Variants in KIAA1217 observed in about 807,000 individuals in gnomAD.
KIAA1217 encodes the protein sickle tail protein homolog.
KIAA1217 carries 88 observed loss-of-function variants against 163.9 expected under a neutral mutation model. That is an observed-to-expected ratio of 0.54 (90% CI 0.45 to 0.64). The LOEUF (loss-of-function observed/expected upper bound fraction) is 0.64, where lower values mean the gene tolerates loss of function less well. Ranked by LOEUF, KIAA1217 falls within the 30% of genes least tolerant of loss-of-function variation. The pLI is 0.00. For missense variants in KIAA1217, 2,372 were observed against 2,475.0 expected, an observed-to-expected ratio of 0.96 and a Z score of 0.88; for synonymous variants, 903 against 923.1, an observed-to-expected ratio of 0.98 and a Z score of 0.39.
chr10:24,305,112 A>T (rs2041857397), intron 2 of KIAA1217, among the ~76,000 whole-genome samples: 1 of 152,216 alleles, frequency 6.6e-6, no homozygotes, highest in South Asian at 2.1e-4. Context: ...GAACACATTT[A>T]GTGTGACGTG....
At chr10:23,795,723 G>A (rs1322853311) in intron 1 of KIAA1217, among the ~76,000 whole-genome samples, 1 of 152,180 alleles carries the variant, frequency 6.6e-6, no homozygotes, top group Non-Finnish European at 1.5e-5. Context: ...CCATCAGGAA[G>A]AAATGCAAAA....
At chr10:24,197,957 T>A (rs751984358) in intron 2 of KIAA1217, among the ~76,000 whole-genome samples, 12 of 152,238 alleles carry the variant, frequency 7.9e-5, no homozygotes, top group Non-Finnish European at 1.3e-4. Context: ...TCCACCATCA[T>A]TCCATCATCT....
At chr10:24,446,661 T>C (rs1438137121) in intron 5 of KIAA1217, among the ~76,000 whole-genome samples, 6 of 152,246 alleles carry the variant, frequency 3.9e-5, no homozygotes, top group African/African-American at 1.4e-4. Context: ...ACTCATGCAA[T>C]GACAACGGTA....
intron 2 of KIAA1217, among the ~76,000 whole-genome samples, chr10:24,307,292 T>G (rs938911002): frequency 2.0e-5 from 3 of 152,208 alleles, no homozygotes; most frequent in Non-Finnish European, 4.4e-5. Flanking sequence ...TTATAAAGCT[T>G]GTGTTCATGA....
At chr10:23,883,167 G>A (rs562460519) in intron 1 of KIAA1217, among the ~76,000 whole-genome samples, 60 of 151,976 alleles carry the variant, frequency 3.9e-4, no homozygotes, top group African/African-American at 1.3e-3. Context: ...TACTGAAATT[G>A]CATCTTTGAA....
intron 6 of KIAA1217, among the ~76,000 whole-genome samples, chr10:24,489,425 C>G (rs895934993): frequency 6.6e-6 from 1 of 151,970 alleles, no homozygotes; most frequent in Non-Finnish European, 1.5e-5. Flanking sequence ...ATAGGGGAAT[C>G]GCCAGCTTCA....
At chr10:23,933,864 C>T (rs564259611) in intron 1 of KIAA1217, among the ~76,000 whole-genome samples, 10 of 152,002 alleles carry the variant, frequency 6.6e-5, no homozygotes, top group Admixed American at 2.0e-4. Flanking sequence ...GTCAGAATGG[C>T]GATTATTAAA....
At chr10:24,215,548 C>A (rs1490415642) in intron 1 of KIAA1217, among the ~76,000 whole-genome samples, 1 of 152,206 alleles carries the variant, frequency 6.6e-6, no homozygotes, top group African/African-American at 2.4e-5. Context: ...GCTCAGATCT[C>A]TGACAACATG....
intron 2 of KIAA1217, among the ~76,000 whole-genome samples, chr10:24,231,241 G>A (rs2071368486): frequency 6.6e-6 from 1 of 152,162 alleles, no homozygotes; most frequent in Non-Finnish European, 1.5e-5. Context: ...ATGCCCAGAG[G>A]TCAAGGCTGC....
chr10:23,758,345 C>G (rs995872046), intron 1 of KIAA1217, among the ~76,000 whole-genome samples: 5 of 150,804 alleles, frequency 3.3e-5, no homozygotes, highest in Non-Finnish European at 7.4e-5. Flanking sequence ...TCTTGGCACT[C>G]TTATTGGAAA....
upstream of KIAA1217, among the ~76,000 whole-genome samples, chr10:24,207,834 C>T (rs1025867892): frequency 2.6e-5 from 4 of 152,236 alleles, no homozygotes; most frequent in Non-Finnish European, 4.4e-5. Flanking sequence ...GGCCAAAATA[C>T]GTCACCCCCA....
chr10:24,021,314 C>T (rs1190204802), intron 2 of KIAA1217, among the ~76,000 whole-genome samples: 6 of 151,700 alleles, frequency 4.0e-5, no homozygotes, highest in Non-Finnish European at 7.4e-5. Context: ...CAGCAATCAA[C>T]GATTGAAACT....
chr10:24,135,582 A>G (rs2063802592), intron 2 of KIAA1217, among the ~76,000 whole-genome samples: 1 of 152,016 alleles, frequency 6.6e-6, no homozygotes, highest in Non-Finnish European at 1.5e-5. Flanking sequence ...GTTTTTAAGG[A>G]GGACAGAGCT....
intron 2 of KIAA1217, among the ~76,000 whole-genome samples, chr10:24,318,266 G>GTAGA (rs202149528): frequency 1.3e-5 from 2 of 152,116 alleles, no homozygotes; most frequent in African/African-American, 2.4e-5. Flanking sequence ...GAATAGGTAG[G>GTAGA]TAGATAGATA....
chr10:23,814,893 C>G (rs973309724), intron 1 of KIAA1217, among the ~76,000 whole-genome samples: 2 of 151,780 alleles, frequency 1.3e-5, no homozygotes, highest in African/African-American at 4.8e-5. Flanking sequence ...CAGTGTTTTT[C>G]TGATCCTCAG....
intron 2 of KIAA1217, among the ~76,000 whole-genome samples, chr10:24,327,434 G>A (rs993043743): frequency 6.6e-6 from 1 of 152,082 alleles, no homozygotes; most frequent in East Asian, 1.9e-4. Context: ...TTCTCATTGA[G>A]TGCTATGTGC....
At chr10:24,509,538 T>G (rs1411064359) in intron 9 of KIAA1217, among the ~76,000 whole-genome samples, 1 of 152,200 alleles carries the variant, frequency 6.6e-6, no homozygotes, top group Non-Finnish European at 1.5e-5. Context: ...TTTCTTATCC[T>G]TCTCAGAAAC....
At chr10:23,934,128 G>C (rs571868516) in intron 1 of KIAA1217, among the ~76,000 whole-genome samples, 60 of 152,182 alleles carry the variant, frequency 3.9e-4, no homozygotes, top group African/African-American at 1.4e-3. Flanking sequence ...CAAAGACATG[G>C]AACCAACCCA....
At chr10:23,768,140 A>G (rs550042942) in intron 1 of KIAA1217, among the ~76,000 whole-genome samples, 8 of 152,230 alleles carry the variant, frequency 5.3e-5, no homozygotes, top group Admixed American at 3.9e-4. Context: ...ATGTAGCCCA[A>G]TGAATGCTGC....
Sources: gnomAD v4.1 joint callset for allele counts (sites outside exome capture counted in the v4.1 genomes callset) on GRCh38, gnomAD v4.1.1 for gene constraint, MANE v1.5 for transcripts, NCBI Gene and HGNC (gene_info 2026-07-23, HGNC 2026-07-21) for gene names.